PAX7: variants seen among roughly 807,000 people sequenced by gnomAD.
PAX7 encodes the protein paired box 7, also known as paired box protein Pax-7.
Under a neutral mutation model 50.7 loss-of-function variants are expected in PAX7, and 18 were observed. The observed-to-expected ratio is 0.36, with a 90% confidence interval of 0.25 to 0.53. The LOEUF is 0.53. Ranked by LOEUF, PAX7 falls within the 20% of genes least tolerant of loss-of-function variation. The probability of loss-of-function intolerance (pLI) is 0.93; values close to 1 mark genes in which losing one functional copy is unlikely to be tolerated. For synonymous variants in PAX7, 310 were observed against 290.4 expected (o/e 1.07, Z -0.69); for missense variants, 644 against 702.9 (o/e 0.92, Z 0.95).
Position 18,735,934 on chromosome 1 carries a change from G to A in PAX7, c.1402+56G>A. 1.2e-6 allele frequency: 2 copies of A among 1,613,914 alleles called. No individual in the cohort carries two copies. The highest frequency in any genetic ancestry group is 2.2e-5 in the East Asian group (1 of 44,862). ...TCCCCATTCCTTCTCCCACCCCCAGGGCCTCCTGCTTGTTTATGGAGAGCT... is the reference window on the plus strand; with the variant it reads ...TCCCCATTCCTTCTCCCACCCCCAGAGCCTCCTGCTTGTTTATGGAGAGCT... On this transcript the variant is annotated intron_variant, in intron 8 of 8. Transcript: ENST00000420770. The surrounding 1 kb of genome is among the most constrained non-coding windows in gnomAD (Gnocchi z 4.0).
Position 18,634,975 on chromosome 1 carries a change from T to C in PAX7, c.322-136T>C. ...CGGTTTCTTGAAAGGATAAAGCCAA[T>C]CTCTTGGGGGATGGGGGGACACAAG... On this transcript the variant is annotated intron_variant, in intron 2 of 8. Coordinates refer to ENST00000420770, the MANE Select transcript of PAX7 (RefSeq NM_001135254.2). This position sits in a 1 kb window ranked among gnomAD's most constrained non-coding sequence, Gnocchi z 4.0. 1.8e-6 allele frequency: 2 copies of C among 1,110,902 alleles called. No individual in the cohort carries two copies. The highest frequency in any genetic ancestry group is 2.5e-6 in the Non-Finnish European group (2 of 797,636). The allele number at this position is 1,110,902 out of a possible 1,614,324, so 68.8% of individuals were successfully genotyped here.
At chr1:18,645,146 G>A (rs890200063) in intron 4 of PAX7, among the ~76,000 whole-genome samples, 1 of 152,212 alleles carries the variant, frequency 6.6e-6, no homozygotes, top group East Asian at 1.9e-4. Flanking sequence ...GTGTGCGCGC[G>A]CGCGCGTGCG....
chr1:18,704,343 G>A (rs554083122), intron 7 of PAX7, among the ~76,000 whole-genome samples: 33 of 152,252 alleles, frequency 2.2e-4, no homozygotes, highest in South Asian at 6.2e-4. Flanking sequence ...ATATAAGGCC[G>A]AGCGTGGTGG....
intron 7 of PAX7, among the ~76,000 whole-genome samples, chr1:18,730,087 G>A (rs2789342): frequency 0.3 from 45,590 of 151,934 alleles, 7,386 homozygotes; most frequent in African/African-American, 0.39. Context: ...AGGAAGGGGA[G>A]GGGGACAGCT....
chr1:18,639,129 C>A (rs1262901369), intron 4 of PAX7, among the ~76,000 whole-genome samples: 1 of 152,104 alleles, frequency 6.6e-6, no homozygotes. Context: ...GTCCGCTTGG[C>A]ATTTAATAAT....
chr1:18,726,176 G>A lies in PAX7; in HGVS notation c.1156-9456G>A, dbSNP rs1390925802. 7.0e-6 allele frequency among the ~76,000 whole-genome samples: 1 copy of A among 143,748 alleles called. No individual in the cohort carries two copies. The highest frequency in any genetic ancestry group is 1.5e-5 in the Non-Finnish European group (1 of 66,446). 94.3% of individuals were successfully genotyped at this position (143,748 alleles called of 152,430 possible). On this transcript the variant is annotated intron_variant, in intron 7 of 8. Coordinates refer to ENST00000420770, the MANE Select transcript of PAX7 (RefSeq NM_001135254.2). The surrounding 1 kb of genome is among the most constrained non-coding windows in gnomAD (Gnocchi z 4.8). The stretch of plus-strand genomic sequence containing the variant: ...TGTGTGTGTGTGTGTGTGTGTGTGT[G>A]TGTCTTTGACTTCTTGGACAATGAG...
At chr1:18,709,005 G>T (rs899737882) in intron 7 of PAX7, among the ~76,000 whole-genome samples, 4 of 152,184 alleles carry the variant, frequency 2.6e-5, no homozygotes, top group Admixed American at 6.5e-5. Context: ...CCCTTGGGTT[G>T]AAGGCTGCAG....
At chr1:18,656,166 T>G (rs2088516016) in intron 4 of PAX7, among the ~76,000 whole-genome samples, 1 of 152,212 alleles carries the variant, frequency 6.6e-6, no homozygotes, top group African/African-American at 2.4e-5. Flanking sequence ...GACTGGTAGC[T>G]ATTATTCTTG....
chr1:18,689,753 A>G (rs1457787106), intron 4 of PAX7, among the ~76,000 whole-genome samples: 1 of 152,218 alleles, frequency 6.6e-6, no homozygotes, highest in Non-Finnish European at 1.5e-5. Flanking sequence ...CCATGATTAA[A>G]TTACCCAGCA....
chr1:18,631,984 G>A (rs1343161923), intron 1 of PAX7, among the ~76,000 whole-genome samples: 3 of 152,200 alleles, frequency 2.0e-5, no homozygotes, highest in Non-Finnish European at 1.5e-5. Context: ...TCAGGTCCTG[G>A]TGAATTTCAG....
intron 4 of PAX7, among the ~76,000 whole-genome samples, chr1:18,676,683 G>C (rs2088826647): frequency 6.6e-6 from 1 of 152,106 alleles, no homozygotes; most frequent in Non-Finnish European, 1.5e-5. Flanking sequence ...ATGATCTCAG[G>C]GTGTCCTGTA....
chr1:18,733,086 G>T (rs2089666691), intron 7 of PAX7, among the ~76,000 whole-genome samples: 1 of 152,020 alleles, frequency 6.6e-6, no homozygotes, highest in African/African-American at 2.4e-5. Context: ...GTGGGAAAAG[G>T]TCTAGACTGA....
intron 1 of PAX7, among the ~76,000 whole-genome samples, 164 bp downstream of exon 1, chr1:18,631,852 AC>A (rs35014403): frequency 0.088 from 13,427 of 152,052 alleles, 648 homozygotes; most frequent in East Asian, 0.13. Context: ...AGTTTCTGGG[AC>A]CCATACTTGT....
intron 7 of PAX7, among the ~76,000 whole-genome samples, chr1:18,719,683 A>G (rs543203426): frequency 6.6e-6 from 1 of 152,282 alleles, no homozygotes; most frequent in South Asian, 2.1e-4. Context: ...GGCATAGATA[A>G]TGACCTCTGC....
intron 4 of PAX7, among the ~76,000 whole-genome samples, chr1:18,661,522 G>A (rs868611206): frequency 4.8e-4 from 73 of 152,288 alleles, no homozygotes; most frequent in Middle Eastern, 3.4e-3. Flanking sequence ...AAGCCTGCAC[G>A]CTAACTCAGC....
rs181497530 is a variant in PAX7, at chr1:18,680,416, C to T, written c.587-11338C>T. Among the ~76,000 whole-genome samples the T allele has an allele frequency of 3.6e-3, 548 of 152,248 alleles. 3 individuals carry two copies. Among genetic ancestry groups the T allele is most frequent in the African/African-American group, 0.013 (522 of 41,554 alleles). ...CTGGGATTGGTGGCTGGCAGGCTGG[C>T]CAGCCCAGGAGCGCCTGTCACACAC... On this transcript the variant is annotated intron_variant, in intron 4 of 8. Coordinates refer to ENST00000420770, the MANE Select transcript of PAX7 (RefSeq NM_001135254.2).
chr1:18,658,939 T>A (rs564632159), intron 4 of PAX7, among the ~76,000 whole-genome samples: 9 of 152,274 alleles, frequency 5.9e-5, no homozygotes, highest in East Asian at 3.9e-4. Flanking sequence ...TGTGTGCATA[T>A]GTGTGTGTGC....
chr1:18,697,123 C>T (rs768525246), intron 5 of PAX7, among the ~76,000 whole-genome samples: 51 of 152,096 alleles, frequency 3.4e-4, no homozygotes, highest in Non-Finnish European at 6.9e-4. Flanking sequence ...TGCTCAGGTT[C>T]GTTTCCTCTG....
At chr1:18,706,211 T>C (rs1334131171) in intron 7 of PAX7, among the ~76,000 whole-genome samples, 1 of 152,140 alleles carries the variant, frequency 6.6e-6, no homozygotes, top group Admixed American at 6.5e-5. Flanking sequence ...CCAGGAATCC[T>C]CTGTGTATAA....
Sources: gnomAD v4.1 joint callset for allele counts (sites outside exome capture counted in the v4.1 genomes callset) on GRCh38, gnomAD v4.1.1 for gene constraint, Gnocchi (gnomAD v3.1) non-coding constraint, MANE v1.5 for transcripts, NCBI Gene and HGNC (gene_info 2026-07-23, HGNC 2026-07-21) for gene names.